The following NELL1 variants were observed in gnomAD, a reference collection of about 807,000 sequenced individuals.
NELL1 encodes the protein neural EGFL like 1.
NELL1 carries 76 observed loss-of-function variants against 107.4 expected under a neutral mutation model. The observed-to-expected ratio is 0.71, with a 90% CI of 0.59 to 0.86. The LOEUF is 0.86. Among genes scored for constraint, NELL1 ranks in the 40% least tolerant of loss-of-function variants. NELL1 has a pLI of 0.00. For missense variants in NELL1, 1,024 were observed against 1,005.5 expected (o/e 1.02, Z -0.25); for synonymous variants, 353 against 341.2 (o/e 1.03, Z -0.38).
intron 2 of NELL1, among the ~76,000 whole-genome samples, chr11:20,776,653 G>A (rs2133975028): frequency 6.6e-6 from 1 of 152,146 alleles, no homozygotes; most frequent in African/African-American, 2.4e-5. Flanking sequence ...AGAAAAGGAG[G>A]GAGAGAAGAC....
At chr11:20,737,563 G>A (rs1177337710) in intron 2 of NELL1, among the ~76,000 whole-genome samples, 3 of 152,110 alleles carry the variant, frequency 2.0e-5, no homozygotes, top group Non-Finnish European at 4.4e-5. Flanking sequence ...TAATAGTAGT[G>A]TGTACCTCAT....
intron 12 of NELL1, among the ~76,000 whole-genome samples, chr11:21,050,713 T>TCA (rs897098650): frequency 8.3e-6 from 1 of 120,906 alleles, no homozygotes; most frequent in African/African-American, 4.8e-5. Flanking sequence ...CAGGGTCACC[T>TCA]CAGCCTCCTA....
chr11:21,459,876 G>C (rs1184139802), intron 15 of NELL1, among the ~76,000 whole-genome samples: 2 of 152,080 alleles, frequency 1.3e-5, no homozygotes, highest in Non-Finnish European at 2.9e-5. Context: ...AATCAGCAAA[G>C]GGCACAGGGA....
intron 13 of NELL1, among the ~76,000 whole-genome samples, chr11:21,201,401 G>C (rs1435523288): frequency 6.6e-6 from 1 of 152,116 alleles, no homozygotes; most frequent in African/African-American, 2.4e-5. Context: ...AATTGTGAAT[G>C]GTAGTTCACT....
At chr11:21,510,119 G>C (rs1044346712) in intron 15 of NELL1, among the ~76,000 whole-genome samples, 3 of 152,220 alleles carry the variant, frequency 2.0e-5, no homozygotes, top group African/African-American at 7.2e-5. Context: ...GGACTGTAGG[G>C]TAGGCGGGGA....
chr11:21,573,090 T>G, intron 18 of NELL1, 95 bp from the exon 19 acceptor site: 245 of 887,700 alleles, frequency 2.8e-4, no homozygotes, highest in East Asian at 4.1e-4. Flanking sequence ...TATTCAGTGA[T>G]GAGAATTACT....
chr11:20,912,367 G>C (rs556923401), intron 5 of NELL1, among the ~76,000 whole-genome samples: 1 of 152,112 alleles, frequency 6.6e-6, no homozygotes, highest in East Asian at 1.9e-4. Context: ...AGTAGTGATA[G>C]GCTTATCTGA....
At chr11:21,109,093 A>G (rs1441723518) in intron 12 of NELL1, among the ~76,000 whole-genome samples, 1 of 152,044 alleles carries the variant, frequency 6.6e-6, no homozygotes, top group Non-Finnish European at 1.5e-5. Context: ...AAGTGAAGTC[A>G]CCTGATAACC....
chr11:20,934,135 A>G (rs1452769060), intron 9 of NELL1, among the ~76,000 whole-genome samples: 1 of 152,140 alleles, frequency 6.6e-6, no homozygotes, highest in African/African-American at 2.4e-5. Flanking sequence ...CTATAGATCA[A>G]GAGGTTGGAT....
chr11:21,047,106 G>A (rs1009579126), intron 12 of NELL1, among the ~76,000 whole-genome samples: 1 of 152,114 alleles, frequency 6.6e-6, no homozygotes, highest in African/African-American at 2.4e-5. Flanking sequence ...GTTGGAGACT[G>A]GAGGATCCCT....
intron 12 of NELL1, among the ~76,000 whole-genome samples, chr11:21,023,021 G>T (rs1003687887): frequency 6.6e-6 from 1 of 151,954 alleles, no homozygotes; most frequent in Admixed American, 6.6e-5. Flanking sequence ...GTGCTCTATG[G>T]TTCCCTCGAA....
chr11:20,750,582 T>C (rs1590258814), intron 2 of NELL1, among the ~76,000 whole-genome samples: 1 of 151,612 alleles, frequency 6.6e-6, no homozygotes, highest in East Asian at 1.9e-4. Flanking sequence ...ATTATTATTA[T>C]TATTATTTTA....
intron 13 of NELL1, among the ~76,000 whole-genome samples, chr11:21,134,537 G>C (rs986385637): frequency 6.6e-6 from 1 of 152,256 alleles, no homozygotes; most frequent in Admixed American, 6.5e-5. Context: ...TCAAATTCCT[G>C]ATTTTAACAG....
intron 4 of NELL1, among the ~76,000 whole-genome samples, chr11:20,884,341 G>A (rs148993800): frequency 1.6e-4 from 25 of 152,332 alleles, no homozygotes; most frequent in African/African-American, 5.8e-4. Context: ...TCACAGCAGG[G>A]AGGAGTGATG....
At chr11:21,081,293 T>A (rs1854263100) in intron 12 of NELL1, among the ~76,000 whole-genome samples, 1 of 152,174 alleles carries the variant, frequency 6.6e-6, no homozygotes, top group Non-Finnish European at 1.5e-5. Flanking sequence ...ACCTTTCTAA[T>A]TACCCTTTTT....
intron 13 of NELL1, among the ~76,000 whole-genome samples, chr11:21,124,166 A>G (rs576408890): frequency 1.3e-5 from 2 of 152,296 alleles, no homozygotes; most frequent in Non-Finnish European, 2.9e-5. Flanking sequence ...AAGACAATGA[A>G]CCTATATACA....
intron 14 of NELL1, among the ~76,000 whole-genome samples, chr11:21,241,715 T>C (rs1858364570): frequency 6.6e-6 from 1 of 152,080 alleles, no homozygotes; most frequent in Non-Finnish European, 1.5e-5. Context: ...CTTGCCTGTT[T>C]TCACATTTCT....
intron 14 of NELL1, among the ~76,000 whole-genome samples, chr11:21,304,805 G>C (rs2133631464): frequency 6.6e-6 from 1 of 151,856 alleles, no homozygotes; most frequent in South Asian, 2.1e-4. Flanking sequence ...AAATACCAGT[G>C]CCACCAAAAT....
intron 13 of NELL1, among the ~76,000 whole-genome samples, chr11:21,206,512 A>G (rs1215861093): frequency 6.6e-6 from 1 of 152,214 alleles, no homozygotes; most frequent in Non-Finnish European, 1.5e-5. Flanking sequence ...ATAATTCAAT[A>G]GGAATATGAA....
Sources: allele counts gnomAD v4.1 joint callset (sites outside exome capture counted in the v4.1 genomes callset), GRCh38; gene constraint gnomAD v4.1.1; transcripts MANE v1.5; gene names NCBI Gene and HGNC (gene_info 2026-07-23, HGNC 2026-07-21).